The following SUCLG1 variants were observed in gnomAD, a reference collection of about 807,000 sequenced individuals.
The protein encoded by SUCLG1 is succinate-CoA ligase GDP/ADP-forming subunit alpha, also known as succinate--CoA ligase [ADP/GDP-forming] subunit alpha, mitochondrial.
Under a neutral mutation model 37.3 loss-of-function variants are expected in SUCLG1, and 26 were observed. The ratio of observed to expected loss-of-function variants is 0.70; its 90% CI spans 0.51 to 0.97. The LOEUF (loss-of-function observed/expected upper bound fraction) is 0.97, where lower values mean the gene tolerates loss of function less well. Ranked by LOEUF, SUCLG1 falls within the 50% of genes least tolerant of loss-of-function variation. The pLI, the probability that SUCLG1 is intolerant of heterozygous loss-of-function variation, is 0.00. For missense variants in SUCLG1, 433 were observed against 432.9 expected, an observed-to-expected ratio of 1.00 and a Z score of 0.00; for synonymous variants, 163 against 155.6, an observed-to-expected ratio of 1.05 and a Z score of -0.36.
chr2:84,448,127 A>G (rs538601368), intron 2 of SUCLG1, among the ~76,000 whole-genome samples: 1 of 151,514 alleles, frequency 6.6e-6, no homozygotes, highest in African/African-American at 2.4e-5. Flanking sequence ...GGAAGAAGAA[A>G]AAGAAGGTCC....
At chr2:84,426,901 A>C (rs141834730) in intron 7 of SUCLG1, 1 of 152,748 alleles carries the variant, frequency 6.5e-6, no homozygotes, top group East Asian at 1.9e-4. Context: ...CCTTATACTT[A>C]AAAGAATTAT....
intron 5 of SUCLG1, among the ~76,000 whole-genome samples, chr2:84,440,270 G>A (rs748260566): frequency 5.8e-4 from 89 of 152,310 alleles, no homozygotes; most frequent in South Asian, 4.1e-4. Context: ...CTACTCGGGA[G>A]GCTAAGGCAG....
At chr2:84,444,837 A>G (rs1437457128) in intron 2 of SUCLG1, among the ~76,000 whole-genome samples, 1 of 152,094 alleles carries the variant, frequency 6.6e-6, no homozygotes, top group African/African-American at 2.4e-5. Context: ...GAATTCAGAG[A>G]TATTTCTCCC....
chr2:84,444,108 G>A (rs1428919179), intron 2 of SUCLG1, among the ~76,000 whole-genome samples: 4 of 152,140 alleles, frequency 2.6e-5, no homozygotes, highest in Non-Finnish European at 5.9e-5. Flanking sequence ...TCCAGTTAAT[G>A]ACAACCAAAA....
At chr2:84,438,892 G>C (rs1164349147) in intron 5 of SUCLG1, among the ~76,000 whole-genome samples, 2 of 152,218 alleles carry the variant, frequency 1.3e-5, no homozygotes, top group Non-Finnish European at 1.5e-5. Context: ...TCTGTAGCTA[G>C]AGGTTTGTAA....
rs769737857 is a variant in SUCLG1, at chr2:84,425,504, C to T, written c.925G>A (p.Gly309Ser). 3.1e-6 allele frequency: 5 copies of T among 1,614,114 alleles called. No individual in the cohort carries two copies. ...HAGAIIAGGKGGAKEKISALQ... is the reference protein window; with the variant it reads ...HAGAIIAGGKSGAKEKISALQ... ...GCAGAGATCTTCTCTTTAGCTCCACCTTTTCCTCCAGCAATAATTGCCCCG... is the reference window on the plus strand; with the variant it reads ...GCAGAGATCTTCTCTTTAGCTCCACTTTTTCCTCCAGCAATAATTGCCCCG... The change falls in exon 8 of 9, where the codon GGT becomes AGT. Residue 309 changes from glycine to serine, a missense_variant. Transcript: ENST00000393868.
intron 5 of SUCLG1, among the ~76,000 whole-genome samples, chr2:84,434,548 T>C (rs1387902812): frequency 6.6e-6 from 1 of 152,162 alleles, no homozygotes; most frequent in Non-Finnish European, 1.5e-5. Flanking sequence ...TCCAGAAAGG[T>C]AATTTATTCA....
At chr2:84,455,771 G>A (rs565158416) in intron 1 of SUCLG1, among the ~76,000 whole-genome samples, 46 of 149,840 alleles carry the variant, frequency 3.1e-4, no homozygotes, top group Non-Finnish European at 5.0e-4. Context: ...GGGAGGCGGA[G>A]CTTGCAGTGA....
chr2:84,448,540 AAAAAT>A (rs1388199815), intron 2 of SUCLG1, among the ~76,000 whole-genome samples: 68 of 112,514 alleles, frequency 6.0e-4, no homozygotes, highest in African/African-American at 1.8e-3. Context: ...AAAAAAAAAA[AAAAAT>A]TGACTGCTTT....
At chr2:84,432,257 G>A (rs1672623916) in intron 6 of SUCLG1, 1 of 152,514 alleles carries the variant, frequency 6.6e-6, no homozygotes, top group Middle Eastern at 3.1e-3. Context: ...CATGGACAGG[G>A]TTAAAGTAAA....
intron 1 of SUCLG1, among the ~76,000 whole-genome samples, chr2:84,458,090 C>A (rs551874633): frequency 2.0e-5 from 3 of 151,766 alleles, no homozygotes; most frequent in African/African-American, 7.3e-5. Context: ...TTGTTACATA[C>A]GAGATGCTTT....
chr2:84,441,977 C>A (rs920825765), intron 3 of SUCLG1, among the ~76,000 whole-genome samples: 3 of 152,090 alleles, frequency 2.0e-5, no homozygotes, highest in East Asian at 1.9e-4. Flanking sequence ...GTGACAACAG[C>A]AAATATTGTG....
At chr2:84,450,370 A>C (rs1253822804) in intron 1 of SUCLG1, among the ~76,000 whole-genome samples, 4 of 152,032 alleles carry the variant, frequency 2.6e-5, no homozygotes, top group Non-Finnish European at 5.9e-5. Context: ...AGGGAAAATA[A>C]AACAAATAGG....
rs1380063430 is a variant in SUCLG1 at position 84,431,524 on chromosome 2, A to G, written c.809T>C (p.Leu270Ser). The change falls in exon 7 of 9, where the codon TTG (leucine) becomes TCG (serine). Residue 270 changes from leucine (L) to serine (S), a missense_variant. Transcript: ENST00000393868. Reference sequence around the variant, plus strand: ...CAAACTTACTGAATTATGTTGCTTCAAAAATTCTGCAGCATTCTCTTCTGC... The same window carrying G: ...CAAACTTACTGAATTATGTTGCTTCGAAAATTCTGCAGCATTCTCTTCTGC... The part of the protein sequence containing the change: ...GNAEENAAEF[L>S]KQHNSGPNSK... 6.2e-7 allele frequency: 1 copy of G among 1,613,936 alleles called. No homozygotes were observed. Among genetic ancestry groups the G allele is most frequent in the Non-Finnish European group, 8.5e-7 (1 of 1,179,910 alleles).
intron 7 of SUCLG1, 164 bp from the exon 8 acceptor site, chr2:84,425,767 T>C (rs1672528566): frequency 4.1e-6 from 3 of 726,568 alleles, no homozygotes; most frequent in Non-Finnish European, 7.1e-6. Context: ...TTGAAACCAC[T>C]GCATTCTCCT....
intron 2 of SUCLG1, among the ~76,000 whole-genome samples, chr2:84,446,818 T>A (rs1293476848): frequency 6.6e-6 from 1 of 152,234 alleles, no homozygotes; most frequent in Admixed American, 6.5e-5. Context: ...CTGTATTTTA[T>A]AAAAATATTG....
At chr2:84,437,241 A>G (rs545506897) in intron 5 of SUCLG1, among the ~76,000 whole-genome samples, 5 of 152,212 alleles carry the variant, frequency 3.3e-5, no homozygotes, top group Non-Finnish European at 5.9e-5. Flanking sequence ...TACAAACAAG[A>G]TACTTTTAAA....
chr2:84,452,358 C>T (rs1237840349), intron 1 of SUCLG1, among the ~76,000 whole-genome samples: 1 of 152,152 alleles, frequency 6.6e-6, no homozygotes, highest in Non-Finnish European at 1.5e-5. Context: ...GGTGGCCAAA[C>T]CATCTTGCAA....
In SUCLG1 at chr2:84,449,694, A is replaced by T. The variant is rs1672907405; in HGVS notation, c.156T>A (p.Val52=). The change falls in exon 2 of 9, where the codon GTT becomes GTA. Residue 52 remains valine, a synonymous_variant. Transcript: ENST00000393868. ...GGCAAATAATCTTTGTATTTTTATC[A>T]ACATAGAGATGTTGCCGAGAAGCTG... ...SYTASRQHLY[V]DKNTKIICQG... 1.9e-6 allele frequency: 3 copies of T among 1,602,990 alleles called. No homozygotes were observed. Among genetic ancestry groups the T allele is most frequent in the Non-Finnish European group, 2.6e-6 (3 of 1,174,626 alleles).
Sources: gnomAD v4.1 joint callset for allele counts (sites outside exome capture counted in the v4.1 genomes callset) on GRCh38, gnomAD v4.1.1 for gene constraint, MANE v1.5 for transcripts, NCBI Gene and HGNC (gene_info 2026-07-23, HGNC 2026-07-21) for gene names.